BANP: variants seen among roughly 807,000 people sequenced by gnomAD.
The protein encoded by BANP is BTG3 associated nuclear protein, also known as protein BANP.
BANP carries 11 observed loss-of-function variants against 68.1 expected under a neutral mutation model. The observed-to-expected ratio is 0.16, with a 90% CI of 0.10 to 0.27. The LOEUF is 0.27. Among genes scored for constraint, BANP ranks in the 10% least tolerant of loss-of-function variants. The pLI, the probability that BANP is intolerant of heterozygous loss-of-function variation, is 1.00. For missense variants in BANP, 504 were observed against 722.7 expected (o/e 0.70, Z 3.47); for synonymous variants, 329 against 303.2 (o/e 1.09, Z -0.88).
rs529421650 is a variant in BANP at position 88,064,774 on chromosome 16, G to A, written c.1312-493G>A. Among the ~76,000 whole-genome samples, 52 of 152,322 alleles carry A rather than the reference G, an allele frequency of 3.4e-4. No individual in the cohort carries two copies. Among genetic ancestry groups the A allele is most frequent in the African/African-American group, 1.2e-3 (49 of 41,580 alleles). On this transcript the variant is annotated intron_variant, in intron 11 of 13. Coordinates refer to ENST00000682872, the MANE Select transcript of BANP (RefSeq NM_001386991.1). The surrounding 1 kb of genome is among the most constrained non-coding windows in gnomAD (Gnocchi z 4.5). ...GTTGGGGGTGCTGCCGCTCTTGCCC[G>A]CAGGGCACTCCTCTGGCTGGGATAG...
Position 88,018,681 on chromosome 16 carries a change from C to T in BANP, c.895+14C>T, listed in dbSNP as rs750555576. On this transcript the variant is annotated intron_variant, in intron 7 of 13. Coordinates refer to ENST00000682872, the MANE Select transcript of BANP (RefSeq NM_001386991.1). The surrounding 1 kb of genome is among the most constrained non-coding windows in gnomAD (Gnocchi z 7.7). ...ACGGCATCCGGTGTAAGTCGGGCCC[C>T]GCCTTGGGGGACTGGGGTGTGCGGG... 1.1e-5 allele frequency: 17 copies of T among 1,552,710 alleles called. No homozygotes were observed. Among genetic ancestry groups the T allele is most frequent in the Admixed American group, 3.9e-5 (2 of 51,466 alleles).
chr16:88,013,772 G>T (rs750663077), intron 6 of BANP, among the ~76,000 whole-genome samples: 1 of 152,224 alleles, frequency 6.6e-6, no homozygotes, highest in African/African-American at 2.4e-5. Context: ...GATTGGTTGG[G>T]CCCAAGAAAG....
chr16:88,073,768 G>C (rs563503222), intron 13 of BANP, among the ~76,000 whole-genome samples: 8 of 152,318 alleles, frequency 5.3e-5, no homozygotes, highest in Admixed American at 3.3e-4. Flanking sequence ...GCCTGAGGGC[G>C]TCCTGCTGCA....
chr16:88,040,042 A>G (rs2080356309), intron 11 of BANP, among the ~76,000 whole-genome samples: 1 of 152,128 alleles, frequency 6.6e-6, no homozygotes, highest in Non-Finnish European at 1.5e-5. Flanking sequence ...GATTCCTATT[A>G]TCGGTCACAT....
intron 1 of BANP, among the ~76,000 whole-genome samples, chr16:87,968,007 G>A (rs2145392333): frequency 6.7e-6 from 1 of 149,532 alleles, no homozygotes; most frequent in African/African-American, 2.4e-5. Flanking sequence ...ACCCGCCTTG[G>A]CCTCCCAAAG....
intron 2 of BANP, among the ~76,000 whole-genome samples, chr16:87,975,853 G>T (rs989400229): frequency 6.2e-5 from 7 of 113,526 alleles, no homozygotes; most frequent in Middle Eastern, 8.2e-3. Context: ...TCCCCTGTGT[G>T]TGGCGTCATG....
intron 4 of BANP, among the ~76,000 whole-genome samples, chr16:87,992,369 A>G (rs1762732103): frequency 6.6e-6 from 1 of 152,128 alleles, no homozygotes; most frequent in Non-Finnish European, 1.5e-5. Context: ...TCAGCAACGG[A>G]GCTGGGAGGC....
chr16:88,057,853 C>T lies in BANP; in HGVS notation c.1312-7414C>T, dbSNP rs74040292. Among the ~76,000 whole-genome samples the T allele has an allele frequency of 0.094, 14,294 of 151,736 alleles. 1,243 individuals are homozygous for T. Among genetic ancestry groups the T allele is most frequent in the African/African-American group, 0.23 (9,544 of 41,218 alleles). On this transcript the variant is annotated intron_variant, in intron 11 of 13. Transcript: ENST00000682872. This position sits in a 1 kb window ranked among gnomAD's most constrained non-coding sequence, Gnocchi z 4.6. ...GCCGGATGCCCACAGTGAGGAGGTG[C>T]GGGGCACGCAGCGAGCACTTTCCGG...
Position 88,036,493 on chromosome 16 carries a change from A to G in BANP, c.1272+1099A>G, listed in dbSNP as rs976184791. Among the ~76,000 whole-genome samples the G allele has an allele frequency of 2.0e-5, 3 of 152,094 alleles. No homozygotes were observed. Among genetic ancestry groups the G allele is most frequent in the African/African-American group, 4.8e-5 (2 of 41,400 alleles). ...TGCCCGTGAGCAAGACTGTGGACACATGCACGCCGTGGCACGTGGAGCACC... is the reference window on the plus strand; with the variant it reads ...TGCCCGTGAGCAAGACTGTGGACACGTGCACGCCGTGGCACGTGGAGCACC... On this transcript the variant is annotated intron_variant, in intron 10 of 13. Coordinates refer to ENST00000682872, the MANE Select transcript of BANP (RefSeq NM_001386991.1). The surrounding 1 kb of genome is among the most constrained non-coding windows in gnomAD (Gnocchi z 4.2).
chr16:88,025,974 G>T (rs1370597669), intron 7 of BANP, among the ~76,000 whole-genome samples: 2 of 152,196 alleles, frequency 1.3e-5, no homozygotes, highest in Admixed American at 1.3e-4. Context: ...ATTCGTCATC[G>T]CTACAGGGAT....
At position 88,071,918 on chromosome 16, in the gene BANP, G is replaced by A. The variant is rs1421763510; in HGVS notation, c.1378-151G>A. 4.1e-6 allele frequency: 4 copies of A among 986,344 alleles called. No individual in the cohort carries two copies. Among genetic ancestry groups the A allele is most frequent in the South Asian group, 1.4e-5 (1 of 71,980 alleles). 61.1% of individuals were successfully genotyped at this position (986,344 alleles called of 1,614,324 possible). ...GAGCGATGGGGAGACAGGATGTGCC[G>A]CAGAGTCCTCGGTGTGGCCCTGAGG... On this transcript the variant is annotated intron_variant, in intron 12 of 13. Transcript: ENST00000682872. This position sits in a 1 kb window ranked among gnomAD's most constrained non-coding sequence, Gnocchi z 6.5.
At chr16:88,048,953 C>A (rs185967077) in intron 11 of BANP, among the ~76,000 whole-genome samples, 3 of 152,278 alleles carry the variant, frequency 2.0e-5, no homozygotes, top group Admixed American at 6.5e-5. Flanking sequence ...GCACGGTGCA[C>A]TGGACTCTGG....
rs781037194 is a variant in BANP, at chr16:87,975,190, A to T, written c.70+5A>T. ...ACCTGAGCCCTGACCACCCAGGTAC[A>T]GAGCTGTGGGACAGTAGGTGAAATA... On this transcript the variant is annotated splice_donor_5th_base_variant and intron_variant, in intron 2 of 13. Transcript: ENST00000682872. The T allele has an allele frequency of 6.2e-7, 1 of 1,613,982 alleles. No individual in the cohort carries two copies. Among genetic ancestry groups the T allele is most frequent in the Non-Finnish European group, 8.5e-7 (1 of 1,179,822 alleles).
chr16:87,967,232 G>A (rs572778907), intron 1 of BANP, among the ~76,000 whole-genome samples: 2 of 143,720 alleles, frequency 1.4e-5, no homozygotes, highest in East Asian at 2.1e-4. Flanking sequence ...TTGTCTGTCT[G>A]TACTTTTTCC....
At chr16:88,006,064 G>C (rs753967861) in intron 5 of BANP, 26 bp from the exon 6 acceptor site, 1 of 1,613,282 alleles carries the variant, frequency 6.2e-7, no homozygotes, top group South Asian at 1.1e-5. Flanking sequence ...ACCACATCGG[G>C]CTGGTGTGTT....
chr16:88,010,705 G>A (rs934742954), intron 6 of BANP, among the ~76,000 whole-genome samples: 2 of 152,240 alleles, frequency 1.3e-5, no homozygotes, highest in Admixed American at 6.5e-5. Context: ...GTGCTGTGCC[G>A]AGTCACACAC....
chr16:88,033,518 G>T lies in BANP; in HGVS notation c.1200+273G>T, dbSNP rs537257715. Among the ~76,000 whole-genome samples, 717 of 152,330 alleles carry T rather than the reference G, an allele frequency of 4.7e-3. 5 individuals are homozygous for T. The highest frequency in any genetic ancestry group is 0.017 in the African/African-American group (695 of 41,570). Reference sequence around the variant, plus strand: ...ACCTCAGTCCTGCCAGCAGGCAGGCGGGCAGTCAGCTCCAAGGGTCAGGCC... The same window carrying T: ...ACCTCAGTCCTGCCAGCAGGCAGGCTGGCAGTCAGCTCCAAGGGTCAGGCC... On this transcript the variant is annotated intron_variant, in intron 9 of 13. Transcript: ENST00000682872.
At chr16:87,956,194 C>T (rs1468667727) in intron 1 of BANP, among the ~76,000 whole-genome samples, 1 of 152,204 alleles carries the variant, frequency 6.6e-6, no homozygotes, top group African/African-American at 2.4e-5. Flanking sequence ...CATGGAGTCG[C>T]AAGGCTGACT....
chr16:87,981,322 G>C (rs1027488489), intron 3 of BANP, among the ~76,000 whole-genome samples, 195 bp downstream of exon 3: 5 of 152,212 alleles, frequency 3.3e-5, no homozygotes, highest in African/African-American at 1.2e-4. Context: ...GCCTCTTCCA[G>C]CTTCTAGTGG....
Sources: allele counts gnomAD v4.1 joint callset (sites outside exome capture counted in the v4.1 genomes callset), GRCh38; gene constraint gnomAD v4.1.1; non-coding constraint Gnocchi (gnomAD v3.1); transcripts MANE v1.5; gene names NCBI Gene and HGNC (gene_info 2026-07-23, HGNC 2026-07-21).